The following ZBTB11 variants were observed in gnomAD, a reference collection of about 807,000 sequenced individuals.
ZBTB11 encodes zinc finger and BTB domain containing 11, also known as zinc finger and BTB domain-containing protein 11.
ZBTB11 carries 68 observed loss-of-function variants against 113.1 expected under a neutral mutation model. The ratio of observed to expected loss-of-function variants is 0.60; its 90% confidence interval spans 0.49 to 0.74. ZBTB11 has a LOEUF of 0.74. ZBTB11 is among the 30% of genes least tolerant of loss of function. ZBTB11 has a pLI of 0.00. For synonymous variants in ZBTB11, 518 were observed against 452.6 expected, an observed-to-expected ratio of 1.14 and a Z score of -1.83; for missense variants, 1,104 against 1,279.4, an observed-to-expected ratio of 0.86 and a Z score of 2.09.
At chr3:101,654,029 C>G (rs1033589068) in intron 8 of ZBTB11, among the ~76,000 whole-genome samples, 1 of 151,988 alleles carries the variant, frequency 6.6e-6, no homozygotes, top group African/African-American at 2.4e-5. Context: ...GCCCACACTA[C>G]CACCCTAAAA....
Position 101,649,200 on chromosome 3 carries a change from C to G in ZBTB11, c.*1966G>C, listed in dbSNP as rs879465229. ...GGCATGAAAACAGGAATGCCTGTTC[C>G]CATTTAGGGCCATGGGTTTCCAGGC... On this transcript the variant is annotated 3_prime_UTR_variant, in exon 11 of 11. Coordinates refer to ENST00000312938, the MANE Select transcript of ZBTB11 (RefSeq NM_014415.4). 1 of 152,188 alleles carries G rather than the reference C, an allele frequency of 6.6e-6. No homozygotes were observed. The highest frequency in any genetic ancestry group is 1.5e-5 in the Non-Finnish European group (1 of 68,024). The allele number at this position is 152,188 out of a possible 1,614,324, so 9.4% of individuals were successfully genotyped here. A position where few individuals can be genotyped will look rare whatever the true frequency, so the allele number is the denominator to read the frequency against.
intron 1 of ZBTB11, among the ~76,000 whole-genome samples, chr3:101,675,509 G>A (rs987537154): frequency 6.6e-6 from 1 of 152,226 alleles, no homozygotes; most frequent in Non-Finnish European, 1.5e-5. Flanking sequence ...CCATATTGGA[G>A]AGTGACAGCA....
chr3:101,675,167 T>C (rs765649658), intron 1 of ZBTB11, among the ~76,000 whole-genome samples: 3 of 152,254 alleles, frequency 2.0e-5, no homozygotes, highest in East Asian at 1.9e-4. Context: ...ATGTTACCTA[T>C]AGTTACAATT....
intron 1 of ZBTB11, among the ~76,000 whole-genome samples, chr3:101,676,278 G>A (rs1334225514): frequency 1.5e-5 from 2 of 131,052 alleles, no homozygotes; most frequent in South Asian, 2.2e-4. Context: ...CCAGAGGGCC[G>A]GGGCCTACAG....
chr3:101,658,827 T>C (rs1936841412), intron 6 of ZBTB11, among the ~76,000 whole-genome samples: 1 of 152,126 alleles, frequency 6.6e-6, no homozygotes. Flanking sequence ...TACACCAAAA[T>C]TTGGAAAACA....
rs759488731 is a variant in ZBTB11 at position 101,676,753 on chromosome 3, C to T, written c.162G>A (p.Arg54=). Residue 54 remains arginine, a synonymous_variant, in exon 1 of 11, where the codon CGG becomes CGA. Transcript: ENST00000312938. ...GGTLYYQRRQ[R]HRKTFAELEV... ...CCAGCTCCGCGAAGGTCTTGCGGTG[C>T]CGCTGCCGCCGCTGGTAATACAGAG... The T allele has an allele frequency of 1.2e-5, 20 of 1,606,748 alleles. No individual in the cohort carries two copies. In the East Asian group the frequency reaches 3.8e-4, roughly 31 times the overall value.
At chr3:101,654,030 C>CA (rs1936751513) in intron 8 of ZBTB11, among the ~76,000 whole-genome samples, 1 of 152,000 alleles carries the variant, frequency 6.6e-6, no homozygotes, top group Non-Finnish European at 1.5e-5. Context: ...CCCACACTAC[C>CA]ACCCTAAAAT....
In ZBTB11 at chr3:101,665,201, A is replaced by G; in HGVS notation, c.1386T>C (p.Ala462=). 1 of 1,614,118 alleles carries G rather than the reference A, an allele frequency of 6.2e-7. No individual in the cohort carries two copies. Among genetic ancestry groups the G allele is most frequent in the Non-Finnish European group, 8.5e-7 (1 of 1,180,014 alleles). ...EDSGMGNDIS[A]EDICAEDIPK... ...GAATGTCTTCGGCACAAATATCCTC[A>G]GCTGATATATCATTTCCCATACCAC... The change falls in exon 4 of 11, where the codon GCT becomes GCC. Residue 462 remains alanine, a synonymous_variant. Coordinates refer to ENST00000312938, the MANE Select transcript of ZBTB11 (RefSeq NM_014415.4).
In ZBTB11 at chr3:101,674,712, AAAATAAAT is replaced by A. The variant is rs149939204; in HGVS notation, c.310+1885_310+1892del. Among the ~76,000 whole-genome samples, 11 of 150,210 alleles carry A rather than the reference AAAATAAAT, an allele frequency of 7.3e-5. No individual in the cohort carries two copies. In the South Asian group the frequency reaches 1.7e-3, roughly 23 times the overall value. ...ACTCTGTCTCAATAAATAAATAAATAAAATAAATAAATAAATAAATAAACATCGTCTCA... is the reference window on the plus strand; with the variant it reads ...ACTCTGTCTCAATAAATAAATAAATAAAATAAATAAATAAACATCGTCTCA... On this transcript the variant is annotated intron_variant, in intron 1 of 10. Coordinates refer to ENST00000312938, the MANE Select transcript of ZBTB11 (RefSeq NM_014415.4).
At chr3:101,658,799 T>C (rs908784648) in intron 6 of ZBTB11, among the ~76,000 whole-genome samples, 2 of 152,266 alleles carry the variant, frequency 1.3e-5, no homozygotes, top group East Asian at 1.9e-4. Context: ...GTATAGTGTA[T>C]ACTGCTTAAG....
chr3:101,677,064 A>C lies in ZBTB11; in HGVS notation c.-150T>G. On this transcript the variant is annotated 5_prime_UTR_variant, in exon 1 of 11. Coordinates refer to ENST00000312938, the MANE Select transcript of ZBTB11 (RefSeq NM_014415.4). ...CTCTTCGACGGCTCCCTTAGTCCGAAGGAAAAGCGGGCGAGTTGGTAACCA... is the reference window on the plus strand; with the variant it reads ...CTCTTCGACGGCTCCCTTAGTCCGACGGAAAAGCGGGCGAGTTGGTAACCA... 2 of 878,720 alleles carry C rather than the reference A, an allele frequency of 2.3e-6. No individual in the cohort carries two copies. Among genetic ancestry groups the C allele is most frequent in the Non-Finnish European group, 3.3e-6 (2 of 609,402 alleles). 54.4% of individuals were successfully genotyped at this position (878,720 alleles called of 1,614,324 possible).
At chr3:101,664,424 G>A (rs1936944169) in intron 5 of ZBTB11, 114 bp downstream of exon 5, 1 of 996,008 alleles carries the variant, frequency 1.0e-6, no homozygotes, top group Admixed American at 2.9e-5. Context: ...ATAAGAAGAT[G>A]ACTCTTATAG....
intron 1 of ZBTB11, among the ~76,000 whole-genome samples, chr3:101,672,588 C>G (rs568983620): frequency 6.6e-6 from 1 of 152,180 alleles, no homozygotes; most frequent in Non-Finnish European, 1.5e-5. Flanking sequence ...TGATGGCGCA[C>G]GCCTGTAATC....
rs1936659848 is a variant in ZBTB11, at chr3:101,649,387, C to G, written c.*1779G>C. The G allele has an allele frequency of 6.6e-6, 1 of 152,186 alleles. No homozygotes were observed. The highest frequency in any genetic ancestry group is 2.4e-5 in the African/African-American group (1 of 41,458). 9.4% of individuals were successfully genotyped at this position (152,186 alleles called of 1,614,324 possible). A position where few individuals can be genotyped will look rare whatever the true frequency, so the allele number is the denominator to read the frequency against. On this transcript the variant is annotated 3_prime_UTR_variant, in exon 11 of 11. Transcript: ENST00000312938. ...AAAATAAATTAACTTAATAACACAT[C>G]AAGTAACAACTGATTTATGAACTGA...
chr3:101,672,218 A>G lies in ZBTB11; in HGVS notation c.311-5T>C. 6.3e-7 allele frequency: 1 copy of G among 1,578,488 alleles called. No individual in the cohort carries two copies. The highest frequency in any genetic ancestry group is 8.6e-7 in the Non-Finnish European group (1 of 1,159,730). On this transcript the variant is annotated splice_polypyrimidine_tract_variant and splice_region_variant and intron_variant, in intron 1 of 10. Coordinates refer to ENST00000312938, the MANE Select transcript of ZBTB11 (RefSeq NM_014415.4). ...CTTTGACTTGCTTCAATATACCTAC[A>G]ATGAAAATATTAACAAGTCAAATTT... is the stretch of plus-strand genomic sequence containing the variant.
In ZBTB11 at chr3:101,649,503, T is replaced by TA. The variant is rs1936661420; in HGVS notation, c.*1662dup. 6.6e-6 allele frequency: 1 copy of TA among 152,230 alleles called. No individual in the cohort carries two copies. The highest frequency in any genetic ancestry group is 6.5e-5 in the Admixed American group (1 of 15,278). 9.4% of individuals were successfully genotyped at this position (152,230 alleles called of 1,614,324 possible). On this transcript the variant is annotated 3_prime_UTR_variant, in exon 11 of 11. Transcript: ENST00000312938. ...TGTTTATGACATACATTAATGGTCA[T>TA]ACACAATTTTTAAACTAAATCTAGT...
chr3:101,674,146 G>A (rs752920851), intron 1 of ZBTB11, among the ~76,000 whole-genome samples: 29 of 151,290 alleles, frequency 1.9e-4, no homozygotes, highest in Non-Finnish European at 3.7e-4. Flanking sequence ...GACAAGCCTG[G>A]CCAACAGAGC....
At chr3:101,658,318 C>A (rs900071538) in intron 6 of ZBTB11, among the ~76,000 whole-genome samples, 25 of 151,796 alleles carry the variant, frequency 1.6e-4, no homozygotes, top group Admixed American at 5.9e-4. Flanking sequence ...CTCTGCCTCC[C>A]GGGTTCAAGC....
At chr3:101,675,536 T>G (rs1488788843) in intron 1 of ZBTB11, among the ~76,000 whole-genome samples, 1 of 152,192 alleles carries the variant, frequency 6.6e-6, no homozygotes, top group Non-Finnish European at 1.5e-5. Flanking sequence ...CTAACAAAAT[T>G]TCTTAAATGG....
Sources: gnomAD v4.1 joint callset for allele counts (sites outside exome capture counted in the v4.1 genomes callset) on GRCh38, gnomAD v4.1.1 for gene constraint, MANE v1.5 for transcripts, NCBI Gene and HGNC (gene_info 2026-07-23, HGNC 2026-07-21) for gene names.